Variants in ROBO1 observed in about 807,000 individuals in gnomAD.
The protein encoded by ROBO1 is roundabout guidance receptor 1.
A neutral mutation model predicts 195.9 loss-of-function variants in ROBO1; 149 were observed. The observed-to-expected ratio is 0.76, with a 90% confidence interval of 0.67 to 0.87. The LOEUF is 0.87. Ranked by LOEUF, ROBO1 falls within the 40% of genes least tolerant of loss-of-function variation. The pLI is 0.00. For missense variants in ROBO1, 1,933 were observed against 2,068.3 expected (o/e 0.93, Z 1.27); for synonymous variants, 816 against 733.2 (o/e 1.11, Z -1.82).
At chr3:79,741,585 A>C (rs562756077) in intron 1 of ROBO1, among the ~76,000 whole-genome samples, 1 of 152,236 alleles carries the variant, frequency 6.6e-6, no homozygotes, top group South Asian at 2.1e-4. Context: ...TTCCTTTATA[A>C]CCAAAGATGC....
chr3:78,679,024 T>C (rs1310971460), intron 10 of ROBO1, among the ~76,000 whole-genome samples: 1 of 152,104 alleles, frequency 6.6e-6, no homozygotes, highest in Non-Finnish European at 1.5e-5. Flanking sequence ...GTTCAATATA[T>C]GCAAATCAAT....
At chr3:78,638,930 C>A (rs1705731445) in intron 22 of ROBO1, among the ~76,000 whole-genome samples, 1 of 151,888 alleles carries the variant, frequency 6.6e-6, no homozygotes, top group Non-Finnish European at 1.5e-5. Flanking sequence ...ACATTCTTAT[C>A]AACATAAATA....
intron 2 of ROBO1, among the ~76,000 whole-genome samples, chr3:79,545,679 A>G (rs1942237615): frequency 6.6e-6 from 1 of 151,702 alleles, no homozygotes; most frequent in African/African-American, 2.4e-5. Context: ...TTACAAAATT[A>G]CAAGATTCGA....
chr3:78,819,615 C>G (rs1453720713), intron 4 of ROBO1, among the ~76,000 whole-genome samples: 1 of 151,990 alleles, frequency 6.6e-6, no homozygotes, highest in Non-Finnish European at 1.5e-5. Flanking sequence ...GTCTGTGTGT[C>G]TGACTCTGGA....
intron 2 of ROBO1, among the ~76,000 whole-genome samples, chr3:79,390,858 G>C (rs116156652): frequency 2.0e-5 from 3 of 152,068 alleles, no homozygotes; most frequent in Non-Finnish European, 2.9e-5. Flanking sequence ...GGCATGAACA[G>C]GGAATGAATG....
chr3:79,397,218 GTA>G (rs758086563), intron 2 of ROBO1, among the ~76,000 whole-genome samples: 1 of 150,262 alleles, frequency 6.7e-6, no homozygotes, highest in Non-Finnish European at 1.5e-5. Context: ...AAATTAATAA[GTA>G]TATATATACA....
chr3:79,162,779 G>A (rs2080994112), intron 2 of ROBO1, among the ~76,000 whole-genome samples: 1 of 152,044 alleles, frequency 6.6e-6, no homozygotes, highest in South Asian at 2.1e-4. Flanking sequence ...GTTATCAGGT[G>A]TACATTCTTA....
intron 2 of ROBO1, among the ~76,000 whole-genome samples, chr3:79,164,356 A>G (rs1323015672): frequency 6.6e-6 from 1 of 152,192 alleles, no homozygotes; most frequent in African/African-American, 2.4e-5. Flanking sequence ...AGAAGGACAC[A>G]TATTTGTAAG....
At chr3:79,656,586 T>C (rs1022110117) in intron 1 of ROBO1, among the ~76,000 whole-genome samples, 1 of 151,982 alleles carries the variant, frequency 6.6e-6, no homozygotes, top group Non-Finnish European at 1.5e-5. Context: ...ATTGCCTTTG[T>C]TGAAAAGAAA....
chr3:78,739,709 C>A (rs1187224277), intron 5 of ROBO1, among the ~76,000 whole-genome samples: 1 of 152,064 alleles, frequency 6.6e-6, no homozygotes, highest in African/African-American at 2.4e-5. Context: ...AATTTAAAAA[C>A]CTTTGTTATG....
intron 3 of ROBO1, among the ~76,000 whole-genome samples, chr3:79,064,453 C>T (rs1255318033): frequency 2.0e-5 from 3 of 151,924 alleles, no homozygotes; most frequent in Non-Finnish European, 4.4e-5. Context: ...ACAAGTCTCT[C>T]TAATGTTTTT....
chr3:78,815,269 T>C (rs886403771), intron 4 of ROBO1, among the ~76,000 whole-genome samples: 1 of 152,146 alleles, frequency 6.6e-6, no homozygotes, highest in Non-Finnish European at 1.5e-5. Context: ...GAGGAAGGCA[T>C]GTTGAAAGCT....
At chr3:78,723,148 T>C (rs914395540) in intron 5 of ROBO1, among the ~76,000 whole-genome samples, 1 of 152,190 alleles carries the variant, frequency 6.6e-6, no homozygotes, top group African/African-American at 2.4e-5. Context: ...AAATTCCTAG[T>C]GATGTTGCGG....
intron 3 of ROBO1, among the ~76,000 whole-genome samples, chr3:79,005,063 C>T (rs771128591): frequency 2.6e-5 from 4 of 152,274 alleles, no homozygotes; most frequent in South Asian, 2.1e-4. Context: ...TTTCAAATAA[C>T]GAAGAATCCG....
At chr3:79,566,426 A>C (rs2107729341) in intron 2 of ROBO1, among the ~76,000 whole-genome samples, 1 of 152,254 alleles carries the variant, frequency 6.6e-6, no homozygotes, top group South Asian at 2.1e-4. Context: ...TCTAATAAAT[A>C]TTTTTACCAA....
intron 10 of ROBO1, among the ~76,000 whole-genome samples, chr3:78,677,536 A>T (rs1462482975): frequency 6.6e-6 from 1 of 151,968 alleles, no homozygotes; most frequent in Admixed American, 6.6e-5. Context: ...AGTCTCTGAT[A>T]AAACAGACTT....
At chr3:78,637,849 T>A (rs1245153230) in intron 22 of ROBO1, among the ~76,000 whole-genome samples, 1 of 152,184 alleles carries the variant, frequency 6.6e-6, no homozygotes, top group Non-Finnish European at 1.5e-5. Context: ...TTCTTTATAG[T>A]GCATAGCATC....
intron 26 of ROBO1, among the ~76,000 whole-genome samples, chr3:78,626,756 T>TACAC (rs10608986): frequency 2.3e-4 from 34 of 146,546 alleles, no homozygotes; most frequent in South Asian, 6.6e-4. Flanking sequence ...AGCACACACA[T>TACAC]ACACACACAC....
intron 5 of ROBO1, among the ~76,000 whole-genome samples, chr3:78,718,206 T>A (rs563460117): frequency 6.6e-6 from 1 of 152,280 alleles, no homozygotes; most frequent in East Asian, 1.9e-4. Context: ...AAAAATTGCG[T>A]GAATAATTTA....
Sources: allele counts gnomAD v4.1 joint callset (sites outside exome capture counted in the v4.1 genomes callset), GRCh38; gene constraint gnomAD v4.1.1; transcripts MANE v1.5; gene names NCBI Gene and HGNC (gene_info 2026-07-23, HGNC 2026-07-21).